Variants in ATAD2 observed in about 807,000 individuals in gnomAD.
ATAD2 encodes the protein ATPase family AAA domain-containing protein 2.
ATAD2 carries 62 observed loss-of-function variants against 168.9 expected under a neutral mutation model. That is an observed-to-expected ratio of 0.37 (90% CI 0.30 to 0.45). The LOEUF is 0.45. Ranked by LOEUF, ATAD2 falls within the 20% of genes least tolerant of loss-of-function variation. The pLI, the probability that ATAD2 is intolerant of heterozygous loss-of-function variation, is 1.00. For missense variants in ATAD2, 1,419 were observed against 1,667.8 expected (o/e 0.85, Z 2.60); for synonymous variants, 613 against 571.6 (o/e 1.07, Z -1.03).
In ATAD2 at chr8:123,402,118, G is replaced by A; in HGVS notation, c.-2281-943C>T. The A allele has an allele frequency of 1.1e-6, 1 of 928,596 alleles. No homozygotes were observed. Among genetic ancestry groups the A allele is most frequent in the South Asian group, 1.4e-5 (1 of 74,070 alleles). 57.5% of individuals were successfully genotyped at this position (928,596 alleles called of 1,614,324 possible). A position where few individuals can be genotyped will look rare whatever the true frequency, so the allele number is the denominator to read the frequency against. ...AGAAGCGGCTGTACTGACAGCAGTG[G>A]AGGCCGAGGTGGTGGAGGGGGCACC... is the stretch of plus-strand genomic sequence containing the variant. On this transcript the variant is annotated intron_variant, in intron 1 of 28. Coordinates refer to the ATAD2 transcript ENST00000521903. This position sits in a 1 kb window ranked among gnomAD's most constrained non-coding sequence, Gnocchi z 4.8.
chr8:123,404,629 C>T (rs887421948), intron 1 of ATAD2, among the ~76,000 whole-genome samples: 4 of 150,916 alleles, frequency 2.7e-5, no homozygotes, highest in South Asian at 2.1e-4. Context: ...TGCAGTGGCG[C>T]GATCTTGGCT....
intron 8 of ATAD2, among the ~76,000 whole-genome samples, chr8:123,368,662 T>C (rs575791343): frequency 1.3e-4 from 20 of 152,192 alleles, no homozygotes; most frequent in African/African-American, 4.3e-4. Flanking sequence ...TCTGACATGG[T>C]AGGAAAATGC....
At chr8:123,343,619 A>G (rs1828136129) in intron 19 of ATAD2, among the ~76,000 whole-genome samples, 1 of 152,124 alleles carries the variant, frequency 6.6e-6, no homozygotes. Flanking sequence ...AAACCATTAA[A>G]CTCATTCATT....
chr8:123,366,479 C>A lies in ATAD2; in HGVS notation c.1049+2579G>T, dbSNP rs369937263. On this transcript the variant is annotated intron_variant, in intron 8 of 27. Transcript: ENST00000287394. ...TTCCACACGTATGTTTATAGCAGCA[C>A]AATTCGCAATTGCAAAAATGTGGAA... Among the ~76,000 whole-genome samples, 145 of 152,284 alleles carry A rather than the reference C, an allele frequency of 9.5e-4. 1 individual carries two copies. The highest frequency in any genetic ancestry group is 5.6e-3 in the South Asian group (27 of 4,826).
chr8:123,357,824 T>C (rs891935499), intron 11 of ATAD2, 88 bp from the exon 12 acceptor site: 14 of 1,280,040 alleles, frequency 1.1e-5, no homozygotes, highest in Middle Eastern at 3.8e-4. Context: ...ATGATTCATT[T>C]AATTAGAAAA....
At position 123,324,412 on chromosome 8, in the gene ATAD2, G is replaced by A. The variant is rs77728285; in HGVS notation, c.4003-1346C>T. 2.1e-3 allele frequency among the ~76,000 whole-genome samples: 320 copies of A among 152,312 alleles called. 2 individuals are homozygous for A. Among genetic ancestry groups the A allele is most frequent in the Non-Finnish European group, 3.6e-3 (244 of 68,032 alleles). Reference sequence around the variant, plus strand: ...AATAAAACAGGTAAATTGGAATTGGGATGCAAAATGTTTTTATTTTTGAAG... The same window carrying A: ...AATAAAACAGGTAAATTGGAATTGGAATGCAAAATGTTTTTATTTTTGAAG... On this transcript the variant is annotated intron_variant, in intron 26 of 27. Transcript: ENST00000287394.
chr8:123,373,804 A>G (rs1829226481), intron 2 of ATAD2, among the ~76,000 whole-genome samples: 1 of 151,934 alleles, frequency 6.6e-6, no homozygotes, highest in Non-Finnish European at 1.5e-5. Context: ...AAAAAAAAAA[A>G]AAAAAAATCT....
In ATAD2 at chr8:123,370,947, T is replaced by C; in HGVS notation, c.683A>G (p.Gln228Arg). The C allele has an allele frequency of 6.2e-7, 1 of 1,608,280 alleles. No homozygotes were observed. Among genetic ancestry groups the C allele is most frequent in the Non-Finnish European group, 8.5e-7 (1 of 1,176,674 alleles). Residue 228 changes from glutamine (Q) to arginine (R), a missense_variant, in exon 6 of 28, where the codon CAA becomes CGA. Gln to Arg is a conservative substitution (Grantham distance 43). Around this residue, in one of 5 missense-constraint regions of ATAD2, gnomAD observed 419 missense variants for 423.5 expected, o/e 0.99. Coordinates refer to ENST00000287394, the MANE Select transcript of ATAD2 (RefSeq NM_014109.4). Reference sequence around the variant, plus strand: ...ATCAGTTGTTTCTTCATCAGTTCTTTGAATATCTTTCTGTTTTCCTCTTGT... The same window carrying C: ...ATCAGTTGTTTCTTCATCAGTTCTTCGAATATCTTTCTGTTTTCCTCTTGT... Reference protein sequence around the residue: ...MYTRGKQKDIQRTDEETTDNQ... With the variant: ...MYTRGKQKDIRRTDEETTDNQ...
intron 1 of ATAD2, among the ~76,000 whole-genome samples, chr8:123,406,285 G>C (rs1210415772): frequency 1.3e-5 from 2 of 148,998 alleles, no homozygotes; most frequent in Non-Finnish European, 1.5e-5. Context: ...GCTGAGACAG[G>C]AGAATTGTTT....
chr8:123,413,235 C>G lies in ATAD2; in HGVS notation c.-2282+3013G>C, dbSNP rs948816936. Among the ~76,000 whole-genome samples the G allele has an allele frequency of 1.3e-3, 183 of 135,678 alleles. 1 individual carries two copies. Among genetic ancestry groups the G allele is most frequent in the African/African-American group, 4.4e-3 (162 of 36,728 alleles). 89.0% of individuals were successfully genotyped at this position (135,678 alleles called of 152,430 possible). On this transcript the variant is annotated intron_variant, in intron 1 of 28. Coordinates refer to the ATAD2 transcript ENST00000521903. Reference sequence around the variant, plus strand: ...TGGCTCTAATGAGCGCCCCCCCCCCCCCAACTCCTCCCTGCTTCCTCATTC... The same window carrying G: ...TGGCTCTAATGAGCGCCCCCCCCCCGCCAACTCCTCCCTGCTTCCTCATTC...
At chr8:123,408,247 T>A (rs1813093860) in intron 1 of ATAD2, among the ~76,000 whole-genome samples, 1 of 152,184 alleles carries the variant, frequency 6.6e-6, no homozygotes, top group Non-Finnish European at 1.5e-5. Context: ...TCTGGGAGAT[T>A]TTTCTCTTTG....
At chr8:123,374,775 G>A (rs1311878143) in intron 2 of ATAD2, among the ~76,000 whole-genome samples, 3 of 152,176 alleles carry the variant, frequency 2.0e-5, no homozygotes, top group South Asian at 2.1e-4. Context: ...TTTGTCAACC[G>A]CTGCAAATCT....
At chr8:123,356,222 A>C in intron 13 of ATAD2, 167 bp downstream of exon 13, 5 of 411,066 alleles carry the variant, frequency 1.2e-5, no homozygotes, top group Non-Finnish European at 2.1e-5. Context: ...GAGCCACTGC[A>C]ACCATCCACA....
chr8:123,371,883 G>C (rs1010317000), intron 3 of ATAD2, 48 bp from the exon 4 acceptor site: 1 of 1,404,904 alleles, frequency 7.1e-7, no homozygotes, highest in Non-Finnish European at 9.4e-7. Flanking sequence ...TGAAATAATA[G>C]TATTTATAAA....
chr8:123,341,919 T>C (rs1828074112), intron 19 of ATAD2, among the ~76,000 whole-genome samples: 1 of 152,064 alleles, frequency 6.6e-6, no homozygotes, highest in African/African-American at 2.4e-5. Context: ...AAACCCCATC[T>C]CTACTACAAA....
intron 24 of ATAD2, among the ~76,000 whole-genome samples, chr8:123,331,289 G>C (rs1827769233): frequency 6.6e-6 from 1 of 151,842 alleles, no homozygotes; most frequent in African/African-American, 2.4e-5. Flanking sequence ...GGCCAGGCTG[G>C]AGTGCAGTGA....
intron 1 of ATAD2, among the ~76,000 whole-genome samples, chr8:123,393,326 C>G (rs1812681271): frequency 6.6e-6 from 1 of 151,964 alleles, no homozygotes; most frequent in Non-Finnish European, 1.5e-5. Flanking sequence ...GCCTGAGCAA[C>G]ATAGTGAGAC....
intron 15 of ATAD2, 75 bp downstream of exon 15, chr8:123,348,108 C>T: frequency 8.1e-7 from 1 of 1,240,478 alleles, no homozygotes; most frequent in Non-Finnish European, 1.1e-6. Context: ...ATTACTTTTG[C>T]ACCAACCTAA....
At chr8:123,389,226 T>C (rs1439186162) in intron 1 of ATAD2, among the ~76,000 whole-genome samples, 4 of 146,172 alleles carry the variant, frequency 2.7e-5, no homozygotes, top group Non-Finnish European at 6.0e-5. Flanking sequence ...TCCGCCCGCC[T>C]TGGCCTCCCA....
Sources: allele counts gnomAD v4.1 joint callset (sites outside exome capture counted in the v4.1 genomes callset), GRCh38; gene constraint gnomAD v4.1.1; regional missense constraint gnomAD v4.1.1; non-coding constraint Gnocchi (gnomAD v3.1); transcripts MANE v1.5; gene names NCBI Gene and HGNC (gene_info 2026-07-23, HGNC 2026-07-21).